The following CCSER1 variants were observed in gnomAD, a reference collection of about 807,000 sequenced individuals.
The protein encoded by CCSER1 is serine-rich coiled-coil domain-containing protein 1.
A neutral mutation model predicts 82.0 loss-of-function variants in CCSER1; 41 were observed. The ratio of observed to expected loss-of-function variants is 0.50; its 90% confidence interval spans 0.39 to 0.65. CCSER1 has a LOEUF of 0.65. CCSER1 is among the 30% of genes least tolerant of loss of function. The pLI is 0.00. For synonymous variants in CCSER1, 414 were observed against 383.9 expected, an observed-to-expected ratio of 1.08 and a Z score of -0.92; for missense variants, 1,119 against 1,064.2, an observed-to-expected ratio of 1.05 and a Z score of -0.72.
chr4:91,313,060 C>T (rs1350428540), intron 10 of CCSER1, among the ~76,000 whole-genome samples: 1 of 151,764 alleles, frequency 6.6e-6, no homozygotes, highest in East Asian at 1.9e-4. Context: ...ATATTTGTTC[C>T]ATGACATTCA....
At chr4:91,462,944 G>A (rs58512401) in intron 10 of CCSER1, among the ~76,000 whole-genome samples, 20,213 of 152,128 alleles carry the variant, frequency 0.13, 1,492 homozygotes, top group African/African-American at 0.19. Flanking sequence ...GGGCATAGCC[G>A]AACAAAAAGC....
intron 1 of CCSER1, among the ~76,000 whole-genome samples, chr4:90,269,557 A>G (rs916654511): frequency 1.3e-5 from 2 of 152,072 alleles, no homozygotes; most frequent in African/African-American, 4.8e-5. Context: ...TTTTATAGCT[A>G]TAAGTATCTA....
Position 90,313,088 on chromosome 4 carries a change from G to A in CCSER1, c.1509+41G>A, listed in dbSNP as rs988725409. 4.9e-6 allele frequency: 7 copies of A among 1,434,678 alleles called. No homozygotes were observed. The African/African-American group carries it at 9.9e-5, about 20-fold the overall frequency. The allele number at this position is 1,434,678 out of a possible 1,614,324, so 88.9% of individuals were successfully genotyped here. On this transcript the variant is annotated intron_variant, in intron 3 of 10. Coordinates refer to ENST00000509176, the MANE Select transcript of CCSER1 (RefSeq NM_001145065.2). ...TGTCTGCCTCTAATAAAATAATGCT[G>A]TCTATATCCGACATGTTCATGTCTC...
intron 10 of CCSER1, among the ~76,000 whole-genome samples, chr4:91,522,192 T>C (rs540160572): frequency 7.9e-5 from 12 of 152,344 alleles, no homozygotes; most frequent in Non-Finnish European, 1.5e-4. Flanking sequence ...TGGTTGTAGA[T>C]GTGTGGTGTT....
In CCSER1 at chr4:91,565,046, G is replaced by C. The variant is rs914006702; in HGVS notation, c.2218-33526G>C. Reference sequence around the variant, plus strand: ...TTGAGTTGTGTGTGTGTGTGTGTGTGTGTGTGTGTGTGTGTGTGTGTGTGT... The same window carrying C: ...TTGAGTTGTGTGTGTGTGTGTGTGTCTGTGTGTGTGTGTGTGTGTGTGTGT... On this transcript the variant is annotated intron_variant, in intron 10 of 10. Coordinates refer to ENST00000509176, the MANE Select transcript of CCSER1 (RefSeq NM_001145065.2). Among the ~76,000 whole-genome samples the C allele has an allele frequency of 6.3e-4, 81 of 127,850 alleles. 1 individual carries two copies. In the South Asian group the frequency reaches 0.016, roughly 26 times the overall value. 83.9% of individuals were successfully genotyped at this position (127,850 alleles called of 152,430 possible). A position where few individuals can be genotyped will look rare whatever the true frequency, so the allele number is the denominator to read the frequency against.
At chr4:91,126,328 C>T (rs1419283009) in intron 10 of CCSER1, among the ~76,000 whole-genome samples, 1 of 151,826 alleles carries the variant, frequency 6.6e-6, no homozygotes, top group Non-Finnish European at 1.5e-5. Context: ...ACAAACAAGG[C>T]AAACTTAATG....
At chr4:90,651,618 C>T (rs1381022958) in intron 6 of CCSER1, among the ~76,000 whole-genome samples, 3 of 151,980 alleles carry the variant, frequency 2.0e-5, no homozygotes, top group Admixed American at 6.6e-5. Context: ...AACAAACCAC[C>T]ATGGCACGTG....
At chr4:91,069,043 A>T (rs1287777935) in intron 9 of CCSER1, among the ~76,000 whole-genome samples, 1 of 152,036 alleles carries the variant, frequency 6.6e-6, no homozygotes, top group Non-Finnish European at 1.5e-5. Flanking sequence ...GTGCGGTGGC[A>T]TGCACCTGTA....
Position 91,437,108 on chromosome 4 carries a change from G to A in CCSER1, c.2218-161464G>A, listed in dbSNP as rs570766177. Among the ~76,000 whole-genome samples, 5 of 152,288 alleles carry A rather than the reference G, an allele frequency of 3.3e-5. No homozygotes were observed. The South Asian group carries it at 1.0e-3, about 32-fold the overall frequency. On this transcript the variant is annotated intron_variant, in intron 10 of 10. Transcript: ENST00000509176. Reference sequence around the variant, plus strand: ...GGCCATGCTTAGTGTCCTTGCCTTTGCATTTAAATTAAGATTCAGACTTTC... The same window carrying A: ...GGCCATGCTTAGTGTCCTTGCCTTTACATTTAAATTAAGATTCAGACTTTC...
In CCSER1 at chr4:90,166,487, G is replaced by A. The variant is rs1730480882; in HGVS notation, c.-42+38656G>A. On this transcript the variant is annotated intron_variant, in intron 1 of 10. Transcript: ENST00000509176. ...TTTTTGGAAATAGCACCCTCAAGGA[G>A]GTATTTTGTTTATATTATTAAAAGC... Among the ~76,000 whole-genome samples the A allele has an allele frequency of 2.6e-5, 4 of 151,722 alleles. No homozygotes were observed. The South Asian group carries it at 8.3e-4, about 32-fold the overall frequency.
intron 5 of CCSER1, among the ~76,000 whole-genome samples, chr4:90,516,044 G>T (rs1052691567): frequency 1.1e-4 from 17 of 152,098 alleles, no homozygotes; most frequent in Non-Finnish European, 8.8e-5. Context: ...AATATAATTT[G>T]CACGTGCAAT....
intron 8 of CCSER1, among the ~76,000 whole-genome samples, chr4:90,852,502 G>C (rs972600938): frequency 2.8e-4 from 42 of 152,226 alleles, no homozygotes; most frequent in Admixed American, 2.4e-3. Flanking sequence ...TACTGCAGAA[G>C]CTGCTCACAC....
intron 5 of CCSER1, among the ~76,000 whole-genome samples, chr4:90,470,338 T>C (rs531070649): frequency 2.0e-5 from 3 of 152,324 alleles, no homozygotes; most frequent in Non-Finnish European, 2.9e-5. Context: ...AAATTGTTTA[T>C]GTCCTACATA....
rs35331482 is a variant in CCSER1, at chr4:90,791,819, CA to C, written c.2011-23929del. Among the ~76,000 whole-genome samples the C allele has an allele frequency of 2.8e-3, 353 of 125,980 alleles. 1 individual carries two copies. The highest frequency in any genetic ancestry group is 8.7e-3 in the African/African-American group (307 of 35,420). 82.6% of individuals were successfully genotyped at this position (125,980 alleles called of 152,430 possible). On this transcript the variant is annotated intron_variant, in intron 7 of 10. Transcript: ENST00000509176. ...CCTGGGCTACACAGCGAGACTGTCT[CA>C]AAAAAAAAAAAAACACACACACACA...
At chr4:90,714,357 T>A (rs1418625320) in intron 6 of CCSER1, among the ~76,000 whole-genome samples, 1 of 152,012 alleles carries the variant, frequency 6.6e-6, no homozygotes, top group Non-Finnish European at 1.5e-5. Flanking sequence ...CATTATAGTA[T>A]CTTGTTCATT....
intron 10 of CCSER1, among the ~76,000 whole-genome samples, chr4:91,384,683 A>C (rs1041729666): frequency 1.1e-4 from 16 of 152,124 alleles, no homozygotes; most frequent in African/African-American, 3.9e-4. Context: ...TTGACTCAAT[A>C]TTCAGATGCA....
rs191968722 is a variant in CCSER1, at chr4:90,577,837, C to T, written c.1725-50188C>T. Among the ~76,000 whole-genome samples, 205 of 151,908 alleles carry T rather than the reference C, an allele frequency of 1.3e-3. 1 individual carries two copies. The highest frequency in any genetic ancestry group is 6.8e-3 in the Middle Eastern group (2 of 292). The stretch of plus-strand genomic sequence containing the variant: ...AAATAATTTTTATTTTATTTCATGC[C>T]GGTGCAGCAGAGATTTCATGATGTT... On this transcript the variant is annotated intron_variant, in intron 5 of 10. Transcript: ENST00000509176.
At chr4:90,284,333 G>A (rs141966871) in intron 1 of CCSER1, among the ~76,000 whole-genome samples, 67 of 152,036 alleles carry the variant, frequency 4.4e-4, no homozygotes, top group African/African-American at 1.2e-3. Context: ...TTTAGTTGAC[G>A]TGATATCTTT....
chr4:91,380,008 A>G (rs1209351628), intron 10 of CCSER1, among the ~76,000 whole-genome samples: 1 of 152,164 alleles, frequency 6.6e-6, no homozygotes, highest in Non-Finnish European at 1.5e-5. Context: ...TTATGTACCC[A>G]GTAGTCATTT....
Sources: gnomAD v4.1 joint callset for allele counts (sites outside exome capture counted in the v4.1 genomes callset) on GRCh38, gnomAD v4.1.1 for gene constraint, MANE v1.5 for transcripts, NCBI Gene and HGNC (gene_info 2026-07-23, HGNC 2026-07-21) for gene names.